The following WDFY4 variants were observed in gnomAD, a reference collection of about 807,000 sequenced individuals.
WDFY4 encodes WD repeat- and FYVE domain-containing protein 4.
In WDFY4, 169 loss-of-function variants were observed where a neutral mutation model predicts 351.9. That is an observed-to-expected ratio of 0.48 (90% confidence interval 0.42 to 0.55). WDFY4 has a LOEUF of 0.55. WDFY4 is among the 20% of genes least tolerant of loss of function. WDFY4 has a pLI of 0.00. For synonymous variants in WDFY4, 1,622 were observed against 1,574.6 expected, an observed-to-expected ratio of 1.03 and a Z score of -0.71; for missense variants, 3,803 against 3,935.6, an observed-to-expected ratio of 0.97 and a Z score of 0.90.
rs1453735480 is a variant in WDFY4 at position 48,795,514 on chromosome 10, TATATATATACATATATATATAC to T, written c.4258-782_4258-761del. On this transcript the variant is annotated intron_variant, in intron 23 of 61. Transcript: ENST00000325239. ...CTGTATATATATATATATATATATATATATATATACATATATATATACACACACATGAATAGTCTGGAAAGAT... is the reference window on the plus strand; with the variant it reads ...CTGTATATATATATATATATATATATACACACATGAATAGTCTGGAAAGAT... Among the ~76,000 whole-genome samples, 25 of 101,448 alleles carry T rather than the reference TATATATATACATATATATATAC, an allele frequency of 2.5e-4. 2 individuals carry two copies. Among genetic ancestry groups the T allele is most frequent in the African/African-American group, 1.0e-3 (22 of 21,468 alleles). The allele number at this position is 101,448 out of a possible 152,430, so 66.6% of individuals were successfully genotyped here. A position where few individuals can be genotyped will look rare whatever the true frequency, so the allele number is the denominator to read the frequency against.
chr10:48,943,273 G>A, intron 48 of WDFY4, 57 bp from the exon 49 acceptor site: 1 of 1,539,470 alleles, frequency 6.5e-7, no homozygotes, highest in Non-Finnish European at 8.8e-7. Flanking sequence ...TGGGACCCAT[G>A]GCTTTGCAGG....
At chr10:48,690,744 C>A (rs562917460) in intron 1 of WDFY4, among the ~76,000 whole-genome samples, 1 of 152,308 alleles carries the variant, frequency 6.6e-6, no homozygotes, top group Non-Finnish European at 1.5e-5. Context: ...CTCCTCCCTG[C>A]AGCTGGTCAT....
chr10:48,741,912 A>T (rs59859369), intron 11 of WDFY4, among the ~76,000 whole-genome samples: 12,567 of 152,206 alleles, frequency 0.083, 641 homozygotes, highest in East Asian at 0.24. Flanking sequence ...TTTTAGATGG[A>T]GTCCAATGCA....
Position 48,727,644 on chromosome 10 carries a change from T to C in WDFY4, c.956T>C (p.Leu319Pro), listed in dbSNP as rs750494453. 6.4e-7 allele frequency: 1 copy of C among 1,552,022 alleles called. No homozygotes were observed. The highest frequency in any genetic ancestry group is 1.2e-5 in the South Asian group (1 of 84,064). ...AATTCAGAGGGCTATCCTCTGCTGC[T>C]CAAAGTGTTACTTCGGTAAGTGGCT... is the stretch of plus-strand genomic sequence containing the variant. ...FENSEGYPLL[L>P]KVLLRYDGLT... The change falls in exon 7 of 62, where the codon CTC becomes CCC. Residue 319 changes from leucine (L) to proline (P), a missense_variant. By Grantham distance (98) the Leu-to-Pro change is moderately conservative. Transcript: ENST00000325239.
chr10:48,942,267 G>A (rs1233857701), intron 48 of WDFY4, among the ~76,000 whole-genome samples: 2 of 152,178 alleles, frequency 1.3e-5, no homozygotes, highest in Non-Finnish European at 2.9e-5. Flanking sequence ...GCCCAGCTGG[G>A]ATCTTATTTT....
At chr10:48,974,510 A>AAG (rs1842465168) in intron 57 of WDFY4, among the ~76,000 whole-genome samples, 1 of 19,740 alleles carries the variant, frequency 5.1e-5, no homozygotes, top group Non-Finnish European at 4.7e-4. Context: ...CTCAAAAAAA[A>AAG]AAAAAAAAAA....
intron 32 of WDFY4, 76 bp downstream of exon 32, chr10:48,817,485 C>T: frequency 7.1e-7 from 1 of 1,416,414 alleles, no homozygotes; most frequent in Admixed American, 2.6e-5. Context: ...GGGCAAAATC[C>T]CTCCCCTCCC....
At chr10:48,846,359 C>G (rs1481013840) in intron 39 of WDFY4, among the ~76,000 whole-genome samples, 1 of 152,190 alleles carries the variant, frequency 6.6e-6, no homozygotes, top group Non-Finnish European at 1.5e-5. Flanking sequence ...CCCACCAAGC[C>G]CTCTCCAGCC....
chr10:48,817,190 G>A (rs1055549808), intron 31 of WDFY4, 55 bp from the exon 32 acceptor site: 1 of 1,535,736 alleles, frequency 6.5e-7, no homozygotes, highest in Non-Finnish European at 8.8e-7. Flanking sequence ...CCTCTGGTTA[G>A]GGAGGCAGCG....
intron 47 of WDFY4, among the ~76,000 whole-genome samples, chr10:48,902,207 C>G (rs1171560642): frequency 6.6e-6 from 1 of 152,222 alleles, no homozygotes; most frequent in Admixed American, 6.5e-5. Flanking sequence ...GTGAGCAATC[C>G]CATGCTGTCC....
chr10:48,686,301 T>G (rs1444468689), intron 1 of WDFY4, among the ~76,000 whole-genome samples: 1 of 118,272 alleles, frequency 8.5e-6, no homozygotes, highest in East Asian at 2.3e-4. Context: ...GACAACACGA[T>G]GAAACTCCAT....
rs77654435 is a variant in WDFY4, at chr10:48,808,068, T to C, written c.4838+110T>C. 1.5e-3 allele frequency: 1,287 copies of C among 882,854 alleles called. 3 individuals carry two copies. Among genetic ancestry groups the C allele is most frequent in the African/African-American group, 8.1e-3 (462 of 56,934 alleles). The allele number at this position is 882,854 out of a possible 1,614,324, so 54.7% of individuals were successfully genotyped here. ...GCATCTCTGAGTCTGTTTTCTGCAA[T>C]GTATTTCCTGCACTAGTCAGAAAGA... On this transcript the variant is annotated intron_variant, in intron 28 of 61. Coordinates refer to ENST00000325239, the MANE Select transcript of WDFY4 (RefSeq NM_001394531.1).
chr10:48,840,677 C>T (rs1306898571), intron 39 of WDFY4, among the ~76,000 whole-genome samples: 1 of 152,072 alleles, frequency 6.6e-6, no homozygotes, highest in Non-Finnish European at 1.5e-5. Flanking sequence ...TCCCTACAGC[C>T]CAGATTTTGA....
At chr10:48,978,878 C>T (rs1842690876) in intron 60 of WDFY4, 1 of 153,170 alleles carries the variant, frequency 6.5e-6, no homozygotes, top group Non-Finnish European at 1.5e-5. Context: ...CCTGTTTGCT[C>T]TGCATCCCAG....
At chr10:48,922,544 G>A (rs4261205) in intron 47 of WDFY4, among the ~76,000 whole-genome samples, 6,125 of 152,238 alleles carry the variant, frequency 0.04, 270 homozygotes, top group African/African-American at 0.1. Context: ...ATTTTATGAT[G>A]AATTGTTGTT....
chr10:48,745,641 G>A (rs182695589), intron 12 of WDFY4: 74 of 561,906 alleles, frequency 1.3e-4, no homozygotes, highest in African/African-American at 1.3e-3. Context: ...TCTTCTGGTA[G>A]TGGGTCTCGG....
chr10:48,782,307 A>G (rs2066253035), intron 19 of WDFY4, among the ~76,000 whole-genome samples: 1 of 152,218 alleles, frequency 6.6e-6, no homozygotes, highest in Admixed American at 6.5e-5. Context: ...GAAATACTTC[A>G]AATACCTTGA....
Position 48,789,861 on chromosome 10 carries a change from C to T in WDFY4, c.3955-13C>T. On this transcript the variant is annotated splice_polypyrimidine_tract_variant and intron_variant, in intron 21 of 61. Coordinates refer to ENST00000325239, the MANE Select transcript of WDFY4 (RefSeq NM_001394531.1). ...AGGACTTTCTTAGGACTAATTGCTGCTCATTTCTCTAGATGAACATTTCAT... is the reference window on the plus strand; with the variant it reads ...AGGACTTTCTTAGGACTAATTGCTGTTCATTTCTCTAGATGAACATTTCAT... 1 of 1,552,082 alleles carries T rather than the reference C, an allele frequency of 6.4e-7. No individual in the cohort carries two copies. Among genetic ancestry groups the T allele is most frequent in the Non-Finnish European group, 8.7e-7 (1 of 1,146,846 alleles).
chr10:48,854,891 A>AT (rs1369344721), intron 39 of WDFY4, among the ~76,000 whole-genome samples: 1 of 152,226 alleles, frequency 6.6e-6, no homozygotes, highest in Non-Finnish European at 1.5e-5. Flanking sequence ...TTTGTGCTGC[A>AT]TATCTCCAAA....
Sources: gnomAD v4.1 joint callset for allele counts (sites outside exome capture counted in the v4.1 genomes callset) on GRCh38, gnomAD v4.1.1 for gene constraint, MANE v1.5 for transcripts, NCBI Gene and HGNC (gene_info 2026-07-23, HGNC 2026-07-21) for gene names.